The following MEX3C variants were observed in gnomAD, a reference collection of about 807,000 sequenced individuals.
The protein encoded by MEX3C is RNA-binding E3 ubiquitin-protein ligase MEX3C.
A neutral mutation model predicts 35.5 loss-of-function variants in MEX3C; 15 were observed. The observed-to-expected ratio is 0.42, with a 90% CI of 0.28 to 0.65. MEX3C has a LOEUF of 0.65. MEX3C is among the 30% of genes least tolerant of loss of function. The pLI is 0.20. For missense variants in MEX3C, 711 were observed against 842.8 expected (o/e 0.84, Z 1.94); for synonymous variants, 390 against 352.8 (o/e 1.11, Z -1.18).
In MEX3C at chr18:51,196,629, T is replaced by C; in HGVS notation, c.692A>G (p.Asn231Ser). The C allele has an allele frequency of 1.3e-6, 2 of 1,588,028 alleles. No homozygotes were observed. Among genetic ancestry groups the C allele is most frequent in the Non-Finnish European group, 1.7e-6 (2 of 1,172,756 alleles). ...QAALLRRKSV[N>S]TTECVPVPSS... ...GGGCACCGGGACGCACTCGGTGGTG[T>C]TGACGCTCTTTCTCCGGAGCAGGGC... Residue 231 changes from asparagine (N) to serine (S), a missense_variant, in exon 1 of 2, where the codon AAC (asparagine) becomes AGC (serine). Physicochemically the swap from Asn to Ser is conservative, Grantham distance 46. Around this residue, in one of 4 missense-constraint regions of MEX3C, gnomAD observed 354 missense variants for 311.6 expected, o/e 1.14. Coordinates refer to ENST00000406189, the MANE Select transcript of MEX3C (RefSeq NM_016626.5).
At chr18:51,182,840 A>G (rs1329770478) in intron 1 of MEX3C, among the ~76,000 whole-genome samples, 1 of 152,238 alleles carries the variant, frequency 6.6e-6, no homozygotes, top group Non-Finnish European at 1.5e-5. Context: ...CAGCATTTAA[A>G]AAAAGAACTC....
In MEX3C at chr18:51,177,384, C is replaced by T; in HGVS notation, c.947G>A (p.Gly316Glu). 1.2e-6 allele frequency: 2 copies of T among 1,613,982 alleles called. No homozygotes were observed. Among genetic ancestry groups the T allele is most frequent in the Non-Finnish European group, 1.7e-6 (2 of 1,179,894 alleles). ...GGGCAGATTAGGACTACATGATAAT[C>T]CTCCCAGGGCAGGCCCATTTTTGTT... ...SRNKNGPALG[G>E]LSCSPNLPGQ... The change falls in exon 2 of 2, where the codon GGA becomes GAA. Residue 316 changes from glycine to glutamate, a missense_variant. This residue lies in a region of MEX3C where 83 missense variants were observed against 179.1 expected (regional missense o/e 0.46). Transcript: ENST00000406189. The surrounding 1 kb of genome is among the most constrained non-coding windows in gnomAD (Gnocchi z 4.2).
In MEX3C at chr18:51,177,914, A is replaced by G. The variant is rs955324543; in HGVS notation, c.755-338T>C. Among the ~76,000 whole-genome samples, 2 of 152,216 alleles carry G rather than the reference A, an allele frequency of 1.3e-5. No homozygotes were observed. The highest frequency in any genetic ancestry group is 2.4e-5 in the African/African-American group (1 of 41,440). ...ACACCGTGCTCATGGCTAGTAGGTC[A>G]TCTCACTTCTGCTCCCACCAGTTAA... On this transcript the variant is annotated intron_variant, in intron 1 of 1. Coordinates refer to ENST00000406189, the MANE Select transcript of MEX3C (RefSeq NM_016626.5). This position sits in a 1 kb window ranked among gnomAD's most constrained non-coding sequence, Gnocchi z 4.2.
chr18:51,178,231 G>A (rs149162818), intron 1 of MEX3C, among the ~76,000 whole-genome samples: 76 of 152,282 alleles, frequency 5.0e-4, no homozygotes, highest in African/African-American at 1.7e-3. Flanking sequence ...GGTGCTGGGT[G>A]TGGTTTTATT....
intron 1 of MEX3C, among the ~76,000 whole-genome samples, chr18:51,188,613 T>TA: frequency 7.2e-6 from 1 of 138,266 alleles, no homozygotes; most frequent in East Asian, 2.1e-4. Flanking sequence ...AAAAAAAAAT[T>TA]AAAAAAAATG....
In MEX3C at chr18:51,196,785, G is replaced by A. The variant is rs200566856; in HGVS notation, c.536C>T (p.Ala179Val). The change falls in exon 1 of 2, where the codon GCC (alanine) becomes GTC (valine). Residue 179 changes from alanine to valine, a missense_variant. By Grantham distance (64) the Ala-to-Val change is moderately conservative. Coordinates refer to ENST00000406189, the MANE Select transcript of MEX3C (RefSeq NM_016626.5). Reference sequence around the variant, plus strand: ...CAGCACCCCCGCCGCCGCCGCCGCGGCCGCCGCCTCCCGGGCATCGAACCT... The same window carrying A: ...CAGCACCCCCGCCGCCGCCGCCGCGACCGCCGCCTCCCGGGCATCGAACCT... ...AARFDAREAA[A>V]AAAAAGVLYG... is the part of the protein sequence containing the mutation. 1.4e-6 allele frequency: 2 copies of A among 1,434,234 alleles called. No individual in the cohort carries two copies. The highest frequency in any genetic ancestry group is 1.8e-6 in the Non-Finnish European group (2 of 1,091,798). The allele number at this position is 1,434,234 out of a possible 1,614,324, so 88.8% of individuals were successfully genotyped here.
At chr18:51,189,702 T>C (rs1422009434) in intron 1 of MEX3C, among the ~76,000 whole-genome samples, 1 of 152,114 alleles carries the variant, frequency 6.6e-6, no homozygotes, top group Non-Finnish European at 1.5e-5. Context: ...GAGCTTGAAA[T>C]TATGTTCATG....
rs566941018 is a variant in MEX3C, at chr18:51,192,661, A to G, written c.754+3906T>C. 3.0e-4 allele frequency among the ~76,000 whole-genome samples: 46 copies of G among 152,296 alleles called. No homozygotes were observed. In the Middle Eastern group the frequency reaches 0.02, roughly 68 times the overall value. ...ATCCAAAATACTAACCTTCCAGAGC[A>G]GAATGCTTCAATACTGAAGTGGCAA... On this transcript the variant is annotated intron_variant, in intron 1 of 1. Transcript: ENST00000406189.
At chr18:51,182,279 CATCCCTGTTGGATAA>C (rs1912449188) in intron 1 of MEX3C, among the ~76,000 whole-genome samples, 1 of 145,728 alleles carries the variant, frequency 6.9e-6, no homozygotes, top group Admixed American at 7.0e-5. Context: ...CTTGGGAAGG[CATCCCTGTTGGATAA>C]GGGGGGGACT....
In MEX3C at chr18:51,176,209, G is replaced by C; in HGVS notation, c.*142C>G. 2.4e-6 allele frequency: 2 copies of C among 840,550 alleles called. No individual in the cohort carries two copies. The highest frequency in any genetic ancestry group is 3.5e-6 in the Non-Finnish European group (2 of 569,724). The allele number at this position is 840,550 out of a possible 1,614,324, so 52.1% of individuals were successfully genotyped here. ...GTGTTACCATAGCAGCCTTTTATAA[G>C]TTTACTAACAACTTTAGCCTAATCC... On this transcript the variant is annotated 3_prime_UTR_variant, in exon 2 of 2. Coordinates refer to ENST00000406189, the MANE Select transcript of MEX3C (RefSeq NM_016626.5).
chr18:51,184,828 A>G (rs528878511), intron 1 of MEX3C, among the ~76,000 whole-genome samples: 103 of 152,034 alleles, frequency 6.8e-4, no homozygotes, highest in Non-Finnish European at 9.1e-4. Context: ...CACTGCATTC[A>G]AGCCTGGGCA....
At chr18:51,185,226 A>G (rs1341866526) in intron 1 of MEX3C, among the ~76,000 whole-genome samples, 1 of 152,214 alleles carries the variant, frequency 6.6e-6, no homozygotes, top group African/African-American at 2.4e-5. Context: ...GCTTGCAGTG[A>G]AAGGACTGAG....
Position 51,183,997 on chromosome 18 carries a change from T to A in MEX3C, c.755-6421A>T, listed in dbSNP as rs892352993. ...GCCTGGGCAACAGAGTGAGACCCTG[T>A]CTCTTAAAAAAATTTTTTTTTTTCC... is the stretch of plus-strand genomic sequence containing the variant. On this transcript the variant is annotated intron_variant, in intron 1 of 1. Coordinates refer to ENST00000406189, the MANE Select transcript of MEX3C (RefSeq NM_016626.5). Among the ~76,000 whole-genome samples the A allele has an allele frequency of 3.3e-5, 5 of 151,746 alleles. No individual in the cohort carries two copies. The East Asian group carries it at 7.9e-4, about 24-fold the overall frequency.
Position 51,176,599 on chromosome 18 carries a change from G to A in MEX3C, c.1732C>T (p.Pro578Ser), listed in dbSNP as rs1912308367. Residue 578 changes from proline to serine, a missense_variant, in exon 2 of 2, where the codon CCT becomes TCT. Physicochemically the swap from Pro to Ser is moderately conservative, Grantham distance 74. Transcript: ENST00000406189. ...CTATTGGTACCATTAGAAAAAGCAG[G>A]GATATATATTGGAAGGCCAACATGG... Reference protein sequence around the residue: ...GNHVGLPIYIPAFSNGTNSYS... With the variant: ...GNHVGLPIYISAFSNGTNSYS... The A allele has an allele frequency of 6.2e-7, 1 of 1,613,972 alleles. No homozygotes were observed. Among genetic ancestry groups the A allele is most frequent in the Non-Finnish European group, 8.5e-7 (1 of 1,179,890 alleles).
At chr18:51,192,349 CCCAGAACTAATACAAACCATTAT>C (rs1321767055) in intron 1 of MEX3C, among the ~76,000 whole-genome samples, 1 of 152,064 alleles carries the variant, frequency 6.6e-6, no homozygotes, top group African/African-American at 2.4e-5. Context: ...TCTCAAGGGT[CCCAGAACTAATACAAACCATTAT>C]TAACGAAATT....
chr18:51,188,848 G>C lies in MEX3C; in HGVS notation c.754+7719C>G, dbSNP rs557186934. Among the ~76,000 whole-genome samples, 15 of 152,300 alleles carry C rather than the reference G, an allele frequency of 9.8e-5. No individual in the cohort carries two copies. The South Asian group carries it at 3.1e-3, about 32-fold the overall frequency. On this transcript the variant is annotated intron_variant, in intron 1 of 1. Coordinates refer to ENST00000406189, the MANE Select transcript of MEX3C (RefSeq NM_016626.5). The stretch of plus-strand genomic sequence containing the variant: ...CTTGTATTAACTTCAAGCACTGAAA[G>C]TATTTAGTGATACATGTTCATGTAC...
Position 51,176,998 on chromosome 18 carries a change from C to A in MEX3C, c.1333G>T (p.Asp445Tyr). Residue 445 changes from aspartate (D) to tyrosine (Y), a missense_variant, in exon 2 of 2, where the codon GAT (aspartate) becomes TAT (tyrosine). Around this residue, in one of 4 missense-constraint regions of MEX3C, gnomAD observed 187 missense variants for 201.7 expected, o/e 0.93. Coordinates refer to ENST00000406189, the MANE Select transcript of MEX3C (RefSeq NM_016626.5). ...RARMISNYRN[D>Y]SSSSLGSGST... is the part of the protein sequence containing the mutation. Reference sequence around the variant, plus strand: ...CCACTTCCTAGAGAACTGGAACTATCATTTCGATAATTGGATATCATTCTT... The same window carrying A: ...CCACTTCCTAGAGAACTGGAACTATAATTTCGATAATTGGATATCATTCTT... The A allele has an allele frequency of 1.2e-6, 2 of 1,613,966 alleles. No homozygotes were observed. Among genetic ancestry groups the A allele is most frequent in the Non-Finnish European group, 1.7e-6 (2 of 1,179,886 alleles).
Position 51,176,645 on chromosome 18 carries a change from G to A in MEX3C, c.1686C>T (p.Ser562=), listed in dbSNP as rs373554687. 14 of 1,613,990 alleles carry A rather than the reference G, an allele frequency of 8.7e-6. No individual in the cohort carries two copies. The highest frequency in any genetic ancestry group is 1.6e-4 in the Middle Eastern group (1 of 6,062). ...CATGGTTGCCTGTACTAGGTGGGTC[G>A]CTCCTAACCCTCCGAGCAAGTGGAT... is the stretch of plus-strand genomic sequence containing the variant. ...IEHPLARRVR[S]DPPSTGNHVG... Residue 562 remains serine (S), a synonymous_variant, in exon 2 of 2, where the codon AGC becomes AGT. Coordinates refer to ENST00000406189, the MANE Select transcript of MEX3C (RefSeq NM_016626.5).
At chr18:51,195,460 C>G (rs1477415121) in intron 1 of MEX3C, 1 of 152,150 alleles carries the variant, frequency 6.6e-6, no homozygotes, top group African/African-American at 2.4e-5. Context: ...ACCATTTCGA[C>G]AGAGCTCTTA....
Sources: gnomAD v4.1 joint callset for allele counts (sites outside exome capture counted in the v4.1 genomes callset) on GRCh38, gnomAD v4.1.1 for gene constraint, gnomAD v4.1.1 regional missense constraint, Gnocchi (gnomAD v3.1) non-coding constraint, MANE v1.5 for transcripts, NCBI Gene and HGNC (gene_info 2026-07-23, HGNC 2026-07-21) for gene names.